Variants in EFHC2 observed in about 807,000 individuals in gnomAD.
EFHC2 encodes EF-hand domain containing 2.
Under a neutral mutation model 52.7 loss-of-function variants are expected in EFHC2, and 18 were observed. The ratio of observed to expected loss-of-function variants is 0.34; its 90% CI spans 0.24 to 0.51. The LOEUF is 0.51. Among genes scored for constraint, EFHC2 ranks in the 20% least tolerant of loss-of-function variants. The pLI, the probability that EFHC2 is intolerant of heterozygous loss-of-function variation, is 0.97. For synonymous variants in EFHC2, 203 were observed against 204.1 expected (o/e 0.99, Z 0.04); for missense variants, 513 against 562.5 (o/e 0.91, Z 0.89).
intron 11 of EFHC2, among the ~76,000 whole-genome samples, chrX:44,198,185 A>G (rs1395506664): frequency 1.8e-5 from 2 of 111,926 alleles, no homozygotes; most frequent in African/African-American, 6.5e-5. Flanking sequence ...AAAACCCCAG[A>G]AAAAGAGTTG....
intron 11 of EFHC2, among the ~76,000 whole-genome samples, chrX:44,192,940 G>A (rs2036934005): frequency 9.1e-6 from 1 of 110,366 alleles, no homozygotes; most frequent in Non-Finnish European, 1.9e-5. Flanking sequence ...TCAACCAAGG[G>A]CATTCCAAAG....
intron 13 of EFHC2, 100 bp downstream of exon 13, chrX:44,176,192 G>A (rs2036784996): frequency 1.6e-6 from 1 of 640,473 alleles, no homozygotes; most frequent in Non-Finnish European, 2.4e-6. Flanking sequence ...AACAGTTAAG[G>A]GTAAATCAAG....
chrX:44,326,104 G>T (rs1159209078), intron 1 of EFHC2, among the ~76,000 whole-genome samples: 4 of 108,730 alleles, frequency 3.7e-5, no homozygotes, highest in African/African-American at 1.0e-4. Flanking sequence ...ATGTTGCCCA[G>T]ACTGATCTTG....
At chrX:44,213,401 G>A (rs2037116236) in intron 11 of EFHC2, among the ~76,000 whole-genome samples, 1 of 111,535 alleles carries the variant, frequency 9.0e-6, no homozygotes, top group African/African-American at 3.3e-5. Context: ...ACAGCCCCCA[G>A]GAGATCCTGA....
intron 2 of EFHC2, among the ~76,000 whole-genome samples, chrX:44,298,729 C>T (rs761387657): frequency 1.3e-4 from 14 of 108,459 alleles, no homozygotes; most frequent in Non-Finnish European, 2.5e-4. Context: ...GGCGTGCTGG[C>T]GGGCGTTTGT....
At chrX:44,294,496 C>T (rs2037814279) in intron 2 of EFHC2, among the ~76,000 whole-genome samples, 1 of 111,153 alleles carries the variant, frequency 9.0e-6, no homozygotes, top group Admixed American at 9.6e-5. Context: ...CCTCCCAGTA[C>T]ATTGGATGAT....
Position 44,232,436 on chromosome X carries a change from C to T in EFHC2, c.1620+45G>A, listed in dbSNP as rs193126389. ...CCTAGAGAAAGAAAAACACAGACTG[C>T]GGAGGGCTGAGAGGCAAGTCAAGAA... On this transcript the variant is annotated intron_variant, in intron 10 of 14. Coordinates refer to ENST00000420999, the MANE Select transcript of EFHC2 (RefSeq NM_025184.4). 46 of 973,632 alleles carry T rather than the reference C, an allele frequency of 4.7e-5. No individual in the cohort carries two copies. In the Admixed American group the frequency reaches 7.1e-4, roughly 15 times the overall value. 80.2% of individuals were successfully genotyped at this position (973,632 alleles called of 1,213,427 possible).
chrX:44,260,398 C>G (rs964790535), intron 4 of EFHC2, among the ~76,000 whole-genome samples: 12 of 111,689 alleles, frequency 1.1e-4, no homozygotes, highest in South Asian at 3.8e-4. Flanking sequence ...CTTCCACCCC[C>G]CTTTGAGTGT....
chrX:44,264,302 T>C (rs1266550774), intron 3 of EFHC2, among the ~76,000 whole-genome samples: 1 of 111,697 alleles, frequency 9.0e-6, no homozygotes, highest in Non-Finnish European at 1.9e-5. Context: ...CCAGCCACCA[T>C]GAAAAGAAAA....
At chrX:44,167,841 C>T (rs937274662) in intron 13 of EFHC2, among the ~76,000 whole-genome samples, 1 of 111,794 alleles carries the variant, frequency 8.9e-6, no homozygotes, top group South Asian at 3.8e-4. Flanking sequence ...TGGAAGAATT[C>T]TTTGCTCTTG....
At chrX:44,268,847 A>C (rs1375558207) in intron 3 of EFHC2, among the ~76,000 whole-genome samples, 2 of 111,887 alleles carry the variant, frequency 1.8e-5, no homozygotes, top group Admixed American at 9.5e-5. Context: ...TTTGTAAAAT[A>C]AAATGTCATA....
chrX:44,183,416 G>C (rs892436329), intron 11 of EFHC2, among the ~76,000 whole-genome samples: 4 of 112,029 alleles, frequency 3.6e-5, no homozygotes, highest in Admixed American at 9.5e-5. Context: ...TTGCCGTATT[G>C]CCACTTATAT....
intron 1 of EFHC2, among the ~76,000 whole-genome samples, chrX:44,338,919 G>A (rs764454807): frequency 2.7e-5 from 3 of 111,675 alleles, no homozygotes; most frequent in East Asian, 5.6e-4. Context: ...GGCCAGGCGC[G>A]GTGGCTCACG....
intron 14 of EFHC2, among the ~76,000 whole-genome samples, chrX:44,156,785 A>T (rs2036609435): frequency 8.9e-6 from 1 of 112,687 alleles, no homozygotes; most frequent in African/African-American, 3.2e-5. Context: ...GACTTCTGAG[A>T]TTAACCAGAC....
chrX:44,263,372 C>A (rs1388014718), intron 3 of EFHC2, among the ~76,000 whole-genome samples: 2 of 112,018 alleles, frequency 1.8e-5, no homozygotes, highest in African/African-American at 6.5e-5. Flanking sequence ...TCTTTATGTG[C>A]CAGGAACTGT....
intron 2 of EFHC2, chrX:44,309,372 C>A (rs2037928288): frequency 5.9e-6 from 5 of 853,439 alleles, no homozygotes; most frequent in South Asian, 2.0e-5. Context: ...CACTCCCATC[C>A]TCTGATACTC....
chrX:44,255,892 A>C (rs1423240552), intron 4 of EFHC2, among the ~76,000 whole-genome samples: 6 of 111,745 alleles, frequency 5.4e-5, no homozygotes, highest in African/African-American at 2.0e-4. Context: ...CTCCTCAGCA[A>C]ATGCAAAAGA....
At chrX:44,253,057 G>A (rs1288151404) in intron 4 of EFHC2, among the ~76,000 whole-genome samples, 1 of 111,183 alleles carries the variant, frequency 9.0e-6, no homozygotes, top group African/African-American at 3.3e-5. Flanking sequence ...CTAGCCAAGG[G>A]AAGCCGTGAG....
At chrX:44,250,807 A>T (rs1201690313) in intron 4 of EFHC2, among the ~76,000 whole-genome samples, 1 of 100,565 alleles carries the variant, frequency 9.9e-6, no homozygotes, top group Non-Finnish European at 2.0e-5. Context: ...CCTGGTCAAC[A>T]GAGTGAGACT....
Sources: allele counts gnomAD v4.1 joint callset (sites outside exome capture counted in the v4.1 genomes callset), GRCh38; gene constraint gnomAD v4.1.1; transcripts MANE v1.5; gene names NCBI Gene and HGNC (gene_info 2026-07-23, HGNC 2026-07-21).